The following GABBR2 variants were observed in gnomAD, a reference collection of about 807,000 sequenced individuals.
GABBR2 encodes the protein G-protein coupled receptor 51.
GABBR2 carries 23 observed loss-of-function variants against 105.6 expected under a neutral mutation model. The observed-to-expected ratio is 0.22, with a 90% CI of 0.16 to 0.31. GABBR2 has a LOEUF of 0.31. Among genes scored for constraint, GABBR2 ranks in the 10% least tolerant of loss-of-function variants. The probability of loss-of-function intolerance (pLI) is 1.00; values close to 1 mark genes in which losing one functional copy is unlikely to be tolerated. For synonymous variants in GABBR2, 478 were observed against 499.7 expected, an observed-to-expected ratio of 0.96 and a Z score of 0.58; for missense variants, 734 against 1,245.5, an observed-to-expected ratio of 0.59 and a Z score of 6.18.
At chr9:98,367,959 T>C (rs184622796) in intron 12 of GABBR2, among the ~76,000 whole-genome samples, 28 of 152,318 alleles carry the variant, frequency 1.8e-4, no homozygotes, top group Admixed American at 1.8e-3. Context: ...ACATCAACTT[T>C]ACCATTTTAA....
In GABBR2 at chr9:98,682,152, G is replaced by A. The variant is rs571689171; in HGVS notation, c.321+26265C>T. ...TGAGGCAGGAGAATCACTTGAACCC[G>A]GGAGGTGGAGGCTGCAATAAGCTGA... On this transcript the variant is annotated intron_variant, in intron 1 of 18. Transcript: ENST00000259455. Among the ~76,000 whole-genome samples, 7 of 151,600 alleles carry A rather than the reference G, an allele frequency of 4.6e-5. No individual in the cohort carries two copies. The East Asian group carries it at 7.8e-4, about 17-fold the overall frequency.
chr9:98,409,042 T>C (rs1269044410), intron 7 of GABBR2, among the ~76,000 whole-genome samples: 1 of 152,248 alleles, frequency 6.6e-6, no homozygotes, highest in Non-Finnish European at 1.5e-5. Flanking sequence ...GGAAATATTC[T>C]AGCCAGAGGC....
In GABBR2 at chr9:98,417,326, C is replaced by G. The variant is rs186822263; in HGVS notation, c.1237-11185G>C. Among the ~76,000 whole-genome samples, 9 of 152,276 alleles carry G rather than the reference C, an allele frequency of 5.9e-5. No individual in the cohort carries two copies. In the East Asian group the frequency reaches 1.7e-3, roughly 29 times the overall value. On this transcript the variant is annotated intron_variant, in intron 7 of 18. Coordinates refer to ENST00000259455, the MANE Select transcript of GABBR2 (RefSeq NM_005458.8). ...GGACTGAGAGACATGCAGAGTGGCC[C>G]AAGGTGGAGGAGCTACTTGTCACAG...
chr9:98,308,289 A>G (rs1233627837), intron 14 of GABBR2, among the ~76,000 whole-genome samples: 1 of 152,212 alleles, frequency 6.6e-6, no homozygotes, highest in Non-Finnish European at 1.5e-5. Flanking sequence ...AAATCTCTAA[A>G]GAGTGTCAGG....
intron 3 of GABBR2, among the ~76,000 whole-genome samples, chr9:98,504,947 G>A (rs776508063): frequency 3.3e-5 from 5 of 152,212 alleles, no homozygotes; most frequent in African/African-American, 4.8e-5. Flanking sequence ...AGCCTGGAGA[G>A]GTGTAGACCA....
At chr9:98,607,286 G>A (rs77545309) in intron 1 of GABBR2, 39,713 of 918,942 alleles carry the variant, frequency 0.043, 1,007 homozygotes, top group Non-Finnish European at 0.05. Flanking sequence ...ACGGACGTCA[G>A]ATGCCTGATA....
At chr9:98,380,306 C>T (rs1588131086) in intron 11 of GABBR2, among the ~76,000 whole-genome samples, 1 of 152,196 alleles carries the variant, frequency 6.6e-6, no homozygotes, top group Admixed American at 6.5e-5. Flanking sequence ...CTGCGTGAGG[C>T]CCACGCTGGG....
At chr9:98,324,812 G>A (rs1830892112) in intron 13 of GABBR2, among the ~76,000 whole-genome samples, 2 of 152,074 alleles carry the variant, frequency 1.3e-5, no homozygotes, top group African/African-American at 4.8e-5. Context: ...CTCTGATGAC[G>A]GAGTTACCAG....
chr9:98,532,570 C>T (rs1175313603), intron 3 of GABBR2, among the ~76,000 whole-genome samples: 1 of 152,190 alleles, frequency 6.6e-6, no homozygotes, highest in East Asian at 1.9e-4. Context: ...TCCAAGTGTG[C>T]TTGGCCTTGT....
chr9:98,576,929 T>TGGATGGATGGATGGATGGAA (rs1388891514), intron 2 of GABBR2, among the ~76,000 whole-genome samples: 1,503 of 149,870 alleles, frequency 0.01, 40 homozygotes, highest in African/African-American at 0.035. Context: ...GATGGATGGA[T>TGGATGGATGGATGGATGGAA]GGATGGATGG....
intron 1 of GABBR2, among the ~76,000 whole-genome samples, chr9:98,657,274 G>T (rs1473052848): frequency 1.3e-5 from 2 of 152,164 alleles, no homozygotes; most frequent in East Asian, 3.8e-4. Context: ...TTATGGTAAA[G>T]AAATATTTCT....
chr9:98,438,085 TATCCATCC>T lies in GABBR2; in HGVS notation c.1236+15888_1236+15895del, dbSNP rs57464910. Among the ~76,000 whole-genome samples the T allele has an allele frequency of 9.4e-5, 14 of 149,364 alleles. No individual in the cohort carries two copies. The South Asian group carries it at 1.1e-3, about 11-fold the overall frequency. On this transcript the variant is annotated intron_variant, in intron 7 of 18. Coordinates refer to ENST00000259455, the MANE Select transcript of GABBR2 (RefSeq NM_005458.8). ...GTATCCATCCACCTGTCCACACATC[TATCCATCC>T]ATCCATCCATCCATCCACCCATTTA...
In GABBR2 at chr9:98,575,908, C is replaced by T. The variant is rs539790169; in HGVS notation, c.459+2027G>A. The stretch of plus-strand genomic sequence containing the variant: ...TACTTTCCCACCTCCCGCTTTTGCA[C>T]GCCCAGTTTCCTCTGCAGCGGCGCT... On this transcript the variant is annotated intron_variant, in intron 2 of 18. Coordinates refer to ENST00000259455, the MANE Select transcript of GABBR2 (RefSeq NM_005458.8). 3.9e-5 allele frequency among the ~76,000 whole-genome samples: 6 copies of T among 152,340 alleles called. No individual in the cohort carries two copies. The South Asian group carries it at 6.2e-4, about 16-fold the overall frequency.
At chr9:98,703,641 T>C (rs1446338464) in intron 1 of GABBR2, among the ~76,000 whole-genome samples, 1 of 151,930 alleles carries the variant, frequency 6.6e-6, no homozygotes, top group East Asian at 1.9e-4. Context: ...CACAGGCACA[T>C]ACCACCATGT....
At chr9:98,675,164 C>T (rs573871536) in intron 1 of GABBR2, among the ~76,000 whole-genome samples, 1 of 152,138 alleles carries the variant, frequency 6.6e-6, no homozygotes. Flanking sequence ...GGAGAGTGAA[C>T]GCAGATATGT....
At chr9:98,452,673 C>G (rs751425766) in intron 7 of GABBR2, among the ~76,000 whole-genome samples, 5 of 152,200 alleles carry the variant, frequency 3.3e-5, no homozygotes, top group Admixed American at 3.3e-4. Flanking sequence ...ATGTCTAGCA[C>G]ATAATACGCA....
chr9:98,534,090 T>A (rs977639508), intron 3 of GABBR2, among the ~76,000 whole-genome samples: 1 of 152,062 alleles, frequency 6.6e-6, no homozygotes, highest in Admixed American at 6.5e-5. Flanking sequence ...GCCCTTTTGG[T>A]GGGGCAGATG....
chr9:98,451,300 G>A (rs10818944), intron 7 of GABBR2, among the ~76,000 whole-genome samples: 28,183 of 152,124 alleles, frequency 0.19, 3,408 homozygotes, highest in East Asian at 0.49. Context: ...GGCTCCATGT[G>A]AGATTTTATA....
At chr9:98,638,525 G>C (rs1005820727) in intron 1 of GABBR2, among the ~76,000 whole-genome samples, 1 of 152,150 alleles carries the variant, frequency 6.6e-6, no homozygotes, top group African/African-American at 2.4e-5. Flanking sequence ...AATATTAAAA[G>C]TTGAAAGAGC....
Sources: gnomAD v4.1 joint callset for allele counts (sites outside exome capture counted in the v4.1 genomes callset) on GRCh38, gnomAD v4.1.1 for gene constraint, MANE v1.5 for transcripts, NCBI Gene and HGNC (gene_info 2026-07-23, HGNC 2026-07-21) for gene names.